SMARCA2: variants seen among roughly 807,000 people sequenced by gnomAD.
SMARCA2 encodes the protein SWI/SNF-related matrix-associated actin-dependent regulator of chromatin subfamily A member 2.
SMARCA2 carries 61 observed loss-of-function variants against 199.8 expected under a neutral mutation model. The ratio of observed to expected loss-of-function variants is 0.31; its 90% CI spans 0.25 to 0.38. The LOEUF (loss-of-function observed/expected upper bound fraction) is 0.38. Ranked by LOEUF, SMARCA2 falls within the 10% of genes least tolerant of loss-of-function variation. SMARCA2 has a pLI of 1.00. For synonymous variants in SMARCA2, 935 were observed against 732.0 expected, an observed-to-expected ratio of 1.28 and a Z score of -4.48; for missense variants, 1,344 against 2,012.2, an observed-to-expected ratio of 0.67 and a Z score of 6.35.
At chr9:2,122,820 G>A (rs1042203372) in intron 26 of SMARCA2, among the ~76,000 whole-genome samples, 1 of 152,180 alleles carries the variant, frequency 6.6e-6, no homozygotes, top group African/African-American at 2.4e-5. Flanking sequence ...CATCTCGCTA[G>A]TGTTTATACA....
chr9:2,085,500 A>C (rs1057453982), intron 17 of SMARCA2, among the ~76,000 whole-genome samples: 5 of 152,202 alleles, frequency 3.3e-5, no homozygotes, highest in Admixed American at 3.3e-4. Flanking sequence ...TAGGCAGGAA[A>C]GTAGATTTAG....
chr9:2,102,402 C>T (rs1408406157), intron 22 of SMARCA2, among the ~76,000 whole-genome samples: 1 of 152,122 alleles, frequency 6.6e-6, no homozygotes, highest in East Asian at 1.9e-4. Context: ...ATTTGGAGAA[C>T]AGTTCTCAGA....
At chr9:2,125,723 C>G (rs1290877809) in intron 27 of SMARCA2, among the ~76,000 whole-genome samples, 2 of 152,118 alleles carry the variant, frequency 1.3e-5, no homozygotes, top group Non-Finnish European at 2.9e-5. Context: ...CTCCTGAGCT[C>G]GGGTGATCCA....
intron 9 of SMARCA2, among the ~76,000 whole-genome samples, chr9:2,065,001 GT>G (rs1233183664): frequency 2.0e-5 from 3 of 152,164 alleles, no homozygotes; most frequent in Admixed American, 1.3e-4. Context: ...TGGCTAACAT[GT>G]TGAAACCCCA....
intron 27 of SMARCA2, among the ~76,000 whole-genome samples, chr9:2,144,064 G>A (rs12555114): frequency 0.011 from 1,737 of 152,028 alleles, 9 homozygotes; most frequent in Middle Eastern, 0.02. Context: ...TAGGGGAGCC[G>A]GGAGATGGGG....
chr9:2,035,012 A>T (rs1281000768), intron 3 of SMARCA2, among the ~76,000 whole-genome samples: 2 of 84,378 alleles, frequency 2.4e-5, no homozygotes, highest in Non-Finnish European at 4.7e-5. Flanking sequence ...ATAAGCCTTT[A>T]TTTATTTATT....
intron 12 of SMARCA2, among the ~76,000 whole-genome samples, chr9:2,075,613 C>G (rs1214791635): frequency 6.6e-6 from 1 of 152,188 alleles, no homozygotes; most frequent in African/African-American, 2.4e-5. Flanking sequence ...TGGGGCCATC[C>G]AAGTCCCATG....
rs571666584 is a variant in SMARCA2 at position 2,056,452 on chromosome 9, T to C, written c.1174-220T>C. On this transcript the variant is annotated intron_variant, in intron 6 of 33. Coordinates refer to ENST00000349721, the MANE Select transcript of SMARCA2 (RefSeq NM_003070.5). This position sits in a 1 kb window ranked among gnomAD's most constrained non-coding sequence, Gnocchi z 4.0. Reference sequence around the variant, plus strand: ...TTACAGTACTATAATTGCTTTTGATTTGAATTATTTGGGGAGAAAAATCTT... The same window carrying C: ...TTACAGTACTATAATTGCTTTTGATCTGAATTATTTGGGGAGAAAAATCTT... Among the ~76,000 whole-genome samples the C allele has an allele frequency of 7.2e-5, 11 of 152,258 alleles. No individual in the cohort carries two copies. The highest frequency in any genetic ancestry group is 1.3e-4 in the Non-Finnish European group (9 of 68,044).
Position 2,024,233 on chromosome 9 carries a change from C to A in SMARCA2, c.-36-4754C>A, listed in dbSNP as rs375085273. Among the ~76,000 whole-genome samples the A allele has an allele frequency of 5.4e-4, 82 of 152,250 alleles. No homozygotes were observed. In the South Asian group the frequency reaches 0.014, roughly 25 times the overall value. On this transcript the variant is annotated intron_variant, in intron 1 of 33. Coordinates refer to ENST00000349721, the MANE Select transcript of SMARCA2 (RefSeq NM_003070.5). ...TAAACTTGAAGGCCTTGCTGAAATG[C>A]TACCTTCTCCATTACACTTTACCTA...
intron 27 of SMARCA2, among the ~76,000 whole-genome samples, chr9:2,139,060 G>C (rs766945950): frequency 6.6e-6 from 1 of 152,222 alleles, no homozygotes; most frequent in African/African-American, 2.4e-5. Context: ...GATGAGTCCT[G>C]TGTGCTGACA....
chr9:2,179,199 C>T (rs1217790555), intron 29 of SMARCA2, among the ~76,000 whole-genome samples: 1 of 152,098 alleles, frequency 6.6e-6, no homozygotes, highest in Non-Finnish European at 1.5e-5. Context: ...TAGAGACTCT[C>T]CTGACTAGAA....
At chr9:2,152,574 G>A (rs1204421750) in intron 27 of SMARCA2, among the ~76,000 whole-genome samples, 2 of 147,332 alleles carry the variant, frequency 1.4e-5, no homozygotes, top group East Asian at 2.1e-4. Context: ...AAATAAGGTC[G>A]GGTGCATTGG....
At chr9:2,057,871 C>G (rs1820425058) in intron 7 of SMARCA2, among the ~76,000 whole-genome samples, 1 of 152,136 alleles carries the variant, frequency 6.6e-6, no homozygotes. Context: ...GTGTCATACT[C>G]TAGGGTAGTT....
intron 27 of SMARCA2, among the ~76,000 whole-genome samples, chr9:2,143,500 C>T (rs1824563990): frequency 6.6e-6 from 1 of 152,142 alleles, no homozygotes; most frequent in Non-Finnish European, 1.5e-5. Flanking sequence ...AAAGAAAGGG[C>T]AGGGAAAACC....
Position 2,115,761 on chromosome 9 carries a change from C to T in SMARCA2, c.3457-61C>T. The T allele has an allele frequency of 1.5e-6, 2 of 1,353,968 alleles. No individual in the cohort carries two copies. Among genetic ancestry groups the T allele is most frequent in the Non-Finnish European group, 2.1e-6 (2 of 957,950 alleles). The allele number at this position is 1,353,968 out of a possible 1,614,324, so 83.9% of individuals were successfully genotyped here. A position where few individuals can be genotyped will look rare whatever the true frequency, so the allele number is the denominator to read the frequency against. On this transcript the variant is annotated intron_variant, in intron 24 of 33. Transcript: ENST00000349721. This position sits in a 1 kb window ranked among gnomAD's most constrained non-coding sequence, Gnocchi z 6.0. Reference sequence around the variant, plus strand: ...TCCATATTTCCCTCTGGGGTGGGGTCCGGTTTTGGATGCCTATGCCAGGCA... The same window carrying T: ...TCCATATTTCCCTCTGGGGTGGGGTTCGGTTTTGGATGCCTATGCCAGGCA...
rs752925234 is a variant in SMARCA2, at chr9:2,181,557, C to A, written c.4254-14C>A. 2.2e-6 allele frequency: 3 copies of A among 1,365,192 alleles called. No homozygotes were observed. The highest frequency in any genetic ancestry group is 3.1e-6 in the Non-Finnish European group (3 of 959,048). The allele number at this position is 1,365,192 out of a possible 1,614,324, so 84.6% of individuals were successfully genotyped here. ...TGATGTGGCTTGTTTTTGTTTGTTT[C>A]ACCCATCCTACAGTTCAGGGCGACA... On this transcript the variant is annotated splice_polypyrimidine_tract_variant and intron_variant, in intron 29 of 33. Transcript: ENST00000349721.
In SMARCA2 at chr9:2,103,986, C is replaced by T. The variant is rs200229990; in HGVS notation, c.3126-17C>T. The T allele has an allele frequency of 1.2e-4, 192 of 1,607,766 alleles. No individual in the cohort carries two copies. The highest frequency in any genetic ancestry group is 8.3e-4 in the Admixed American group (49 of 58,758). On this transcript the variant is annotated splice_polypyrimidine_tract_variant and intron_variant, in intron 22 of 33. Transcript: ENST00000349721. ...AAGTAATACTGTCTTCTTGTTTTTG[C>T]ATTTTTTTGGGTTCAGGGCTGAACT...
At chr9:2,068,376 A>T (rs1820936289) in intron 9 of SMARCA2, among the ~76,000 whole-genome samples, 1 of 151,290 alleles carries the variant, frequency 6.6e-6, no homozygotes, top group Non-Finnish European at 1.5e-5. Flanking sequence ...TGGAAGCTGC[A>T]TTTTTTTTTA....
At chr9:2,031,331 T>G (rs1453170116) in intron 2 of SMARCA2, among the ~76,000 whole-genome samples, 1 of 152,220 alleles carries the variant, frequency 6.6e-6, no homozygotes, top group East Asian at 1.9e-4. Flanking sequence ...ATCCAAGTCC[T>G]GAAATTGTTT....
Sources: gnomAD v4.1 joint callset for allele counts (sites outside exome capture counted in the v4.1 genomes callset) on GRCh38, gnomAD v4.1.1 for gene constraint, Gnocchi (gnomAD v3.1) non-coding constraint, MANE v1.5 for transcripts, NCBI Gene and HGNC (gene_info 2026-07-23, HGNC 2026-07-21) for gene names.